Variants in CDK12 observed in about 807,000 individuals in gnomAD.
CDK12 encodes the protein cyclin dependent kinase 12.
A neutral mutation model predicts 133.8 loss-of-function variants in CDK12; 17 were observed. That is an observed-to-expected ratio of 0.13 (90% CI 0.09 to 0.19). CDK12 has a LOEUF of 0.19. Ranked by LOEUF, CDK12 falls within the 10% of genes least tolerant of loss-of-function variation. The probability of loss-of-function intolerance (pLI) is 1.00; values close to 1 mark genes in which losing one functional copy is unlikely to be tolerated. For synonymous variants in CDK12, 694 were observed against 683.6 expected, an observed-to-expected ratio of 1.02 and a Z score of -0.24; for missense variants, 1,508 against 1,818.7, an observed-to-expected ratio of 0.83 and a Z score of 3.11.
chr17:39,506,962 TCTC>T (rs1200130857), intron 6 of CDK12, among the ~76,000 whole-genome samples: 1 of 152,040 alleles, frequency 6.6e-6, no homozygotes, highest in Non-Finnish European at 1.5e-5. Flanking sequence ...AGTGGCACAA[TCTC>T]AGCTCACTGC....
intron 3 of CDK12, among the ~76,000 whole-genome samples, chr17:39,559,468 A>G (rs935545561): frequency 3.3e-5 from 5 of 152,148 alleles, no homozygotes; most frequent in Non-Finnish European, 5.9e-5. Context: ...TTGCCCTTTT[A>G]TATTCACACC....
At position 39,494,153 on chromosome 17, in the gene CDK12, A is replaced by G. The variant is rs556370804; in HGVS notation, c.2249-371A>G. Reference sequence around the variant, plus strand: ...GCTCACTGCAACCTCTGCTCACCGCAACCTCTGCCTCCCGGGTTCAAGCAA... The same window carrying G: ...GCTCACTGCAACCTCTGCTCACCGCGACCTCTGCCTCCCGGGTTCAAGCAA... On this transcript the variant is annotated intron_variant, in intron 4 of 13. Transcript: ENST00000447079. 2.6e-5 allele frequency among the ~76,000 whole-genome samples: 4 copies of G among 152,214 alleles called. No homozygotes were observed. The East Asian group carries it at 7.8e-4, about 30-fold the overall frequency.
chr17:39,462,702 A>G lies in CDK12; in HGVS notation c.631A>G (p.Lys211Glu), dbSNP rs754733609. Residue 211 changes from lysine (K) to glutamate (E), a missense_variant, in exon 1 of 14, where the codon AAA becomes GAA. Around this residue, in one of 9 missense-constraint regions of CDK12, gnomAD observed 460 missense variants for 490.8 expected, o/e 0.94. Coordinates refer to ENST00000447079, the MANE Select transcript of CDK12 (RefSeq NM_016507.4). ...HRKRETPKSYKTVDSPKRRSR... is the reference protein window; with the variant it reads ...HRKRETPKSYETVDSPKRRSR... ...AAAAAGGGAAACACCCAAAAGTTAC[A>G]AAACAGTGGACAGCCCAAAACGGAG... The G allele has an allele frequency of 2.5e-6, 4 of 1,614,236 alleles. No homozygotes were observed. The highest frequency in any genetic ancestry group is 2.5e-6 in the Non-Finnish European group (3 of 1,180,036).
At chr17:39,496,965 C>G (rs1375891493) in intron 5 of CDK12, among the ~76,000 whole-genome samples, 4 of 133,630 alleles carry the variant, frequency 3.0e-5, no homozygotes, top group Admixed American at 8.4e-5. Context: ...GAGTCTCACT[C>G]TGTCGCCCAG....
intron 3 of CDK12, among the ~76,000 whole-genome samples, chr17:39,562,042 C>T (rs989371891): frequency 2.0e-5 from 3 of 152,142 alleles, no homozygotes; most frequent in Admixed American, 1.3e-4. Flanking sequence ...TGGGTTCAAG[C>T]GATTCTCCTG....
intron 6 of CDK12, among the ~76,000 whole-genome samples, chr17:39,506,403 C>T (rs914890144): frequency 2.6e-5 from 4 of 151,614 alleles, no homozygotes; most frequent in African/African-American, 7.3e-5. Context: ...TTAGTAGAGA[C>T]GGGGTTTCAC....
In CDK12 at chr17:39,530,866, T is replaced by C; in HGVS notation, c.4023T>C (p.Thr1341=). The stretch of plus-strand genomic sequence containing the variant: ...GTCCAAACAGGACTTATGGAAACAC[T>C]GATGGGCCTGAAACAGGGTTCAGTG... ...RPRPNRTYGN[T]DGPETGFSAI... The change falls in exon 14 of 14, where the codon ACT becomes ACC. Residue 1341 remains threonine (T), a synonymous_variant. Coordinates refer to ENST00000447079, the MANE Select transcript of CDK12 (RefSeq NM_016507.4). 1 of 1,614,158 alleles carries C rather than the reference T, an allele frequency of 6.2e-7. No individual in the cohort carries two copies. Among genetic ancestry groups the C allele is most frequent in the Non-Finnish European group, 8.5e-7 (1 of 1,180,032 alleles).
rs369334824 is a variant in CDK12, at chr17:39,551,554, T to C, written n.356+412T>C. ...TATAATAAGCCACTGGAGAAACTTA[T>C]GCCAACAAATGTGTTAAGGAGTAGT... is the stretch of plus-strand genomic sequence containing the variant. On this transcript the variant is annotated intron_variant and non_coding_transcript_variant, in intron 2 of 3. Transcript: ENST00000558240. Among the ~76,000 whole-genome samples, 14 of 152,312 alleles carry C rather than the reference T, an allele frequency of 9.2e-5. No homozygotes were observed. In the East Asian group the frequency reaches 1.2e-3, roughly 13 times the overall value.
rs1598203025 is a variant in CDK12 at position 39,533,916 on chromosome 17, T to G, written c.*2600T>G. The G allele has an allele frequency of 4.3e-6, 1 of 232,030 alleles. No homozygotes were observed. Among genetic ancestry groups the G allele is most frequent in the Non-Finnish European group, 8.5e-6 (1 of 117,306 alleles). The allele number at this position is 232,030 out of a possible 1,614,324, so 14.4% of individuals were successfully genotyped here. On this transcript the variant is annotated 3_prime_UTR_variant, in exon 14 of 14. Coordinates refer to ENST00000447079, the MANE Select transcript of CDK12 (RefSeq NM_016507.4). ...AGTAAAGGTTTGGCAGAATTTCACC[T>G]TGACTATTTGAAAATTACAGACCCA...
chr17:39,511,214 CAAAAAA>C (rs59984042), intron 7 of CDK12, among the ~76,000 whole-genome samples: 1 of 74,854 alleles, frequency 1.3e-5, no homozygotes, highest in African/African-American at 5.2e-5. Flanking sequence ...GACACCGTCT[CAAAAAA>C]AAAAAAAAAA....
chr17:39,490,655 G>C lies in CDK12; in HGVS notation c.2030G>C (p.Gly677Ala), dbSNP rs2051517418. The C allele has an allele frequency of 6.2e-7, 1 of 1,613,026 alleles. No homozygotes were observed. Among genetic ancestry groups the C allele is most frequent in the Non-Finnish European group, 8.5e-7 (1 of 1,179,134 alleles). Residue 677 changes from glycine (G) to alanine (A), a missense_variant, in exon 3 of 14, where the codon GGT becomes GCT. Physicochemically the swap from Gly to Ala is moderately conservative, Grantham distance 60 (BLOSUM62 0). Around this residue, in one of 9 missense-constraint regions of CDK12, gnomAD observed 347 missense variants for 330.8 expected, o/e 1.05. Transcript: ENST00000447079. ...TDLPLPPELP[G>A]GDLSPPDSPE... ...CTTCCTCTCCCTCCAGAGCTCCCTG[G>C]TGGAGATCTGTCTCCCCCAGACTCT...
At chr17:39,467,674 GT>G (rs1223951933) in intron 1 of CDK12, among the ~76,000 whole-genome samples, 2 of 152,118 alleles carry the variant, frequency 1.3e-5, no homozygotes, top group African/African-American at 4.8e-5. Flanking sequence ...TGGCATTAGT[GT>G]TTTGGGTTTT....
At chr17:39,472,977 G>C (rs1354098815) in intron 2 of CDK12, among the ~76,000 whole-genome samples, 2 of 152,030 alleles carry the variant, frequency 1.3e-5, no homozygotes, top group Non-Finnish European at 1.5e-5. Flanking sequence ...TTGGGAGGCT[G>C]AGGCAGGAGA....
intron 2 of CDK12, among the ~76,000 whole-genome samples, chr17:39,472,844 G>A (rs1179359403): frequency 2.0e-5 from 3 of 152,156 alleles, no homozygotes; most frequent in Non-Finnish European, 2.9e-5. Context: ...GGGAGGCCAA[G>A]GCGGGCGGAT....
intron 5 of CDK12, among the ~76,000 whole-genome samples, chr17:39,495,411 T>A (rs2052015726): frequency 6.7e-6 from 1 of 149,526 alleles, no homozygotes; most frequent in Non-Finnish European, 1.5e-5. Flanking sequence ...TTTTTTTTTT[T>A]TTTTTATAAA....
chr17:39,462,319 T>C lies in CDK12; in HGVS notation c.248T>C (p.Phe83Ser), dbSNP rs1226403848. 3.7e-6 allele frequency: 6 copies of C among 1,614,160 alleles called. No homozygotes were observed. Among genetic ancestry groups the C allele is most frequent in the South Asian group, 1.1e-5 (1 of 91,090 alleles). The change falls in exon 1 of 14, where the codon TTC becomes TCC. Residue 83 changes from phenylalanine (F) to serine (S), a missense_variant. Transcript: ENST00000447079. Reference protein sequence around the residue: ...YDDISSDSDTFSDDMAFKLDR... With the variant: ...YDDISSDSDTSSDDMAFKLDR... ...GATATCAGCTCTGATTCCGACACCTTCTCCGATGACATGGCCTTCAAACTA... is the reference window on the plus strand; with the variant it reads ...GATATCAGCTCTGATTCCGACACCTCCTCCGATGACATGGCCTTCAAACTA...
intron 9 of CDK12, among the ~76,000 whole-genome samples, chr17:39,516,737 A>G (rs980798847): frequency 2.1e-5 from 3 of 140,756 alleles, no homozygotes; most frequent in Non-Finnish European, 3.0e-5. Flanking sequence ...ATCTTGGCTC[A>G]CTGCAAGCTC....
intron 7 of CDK12, 151 bp from the exon 8 acceptor site, chr17:39,511,378 A>T: frequency 1.8e-6 from 1 of 558,368 alleles, no homozygotes; most frequent in Admixed American, 2.9e-5. Context: ...CCTACTTCTG[A>T]ACAGTTTGCT....
At chr17:39,559,857 T>TAAAAAAAAAAAAAAAAAAAAGA (rs56017248) in intron 3 of CDK12, among the ~76,000 whole-genome samples, 1 of 133,962 alleles carries the variant, frequency 7.5e-6, no homozygotes, top group Non-Finnish European at 1.6e-5. Flanking sequence ...GAAAAAATGT[T>TAAAAAAAAAAAAAAAAAAAAGA]AAAAAAAAAA....
Sources: gnomAD v4.1 joint callset for allele counts (sites outside exome capture counted in the v4.1 genomes callset) on GRCh38, gnomAD v4.1.1 for gene constraint, gnomAD v4.1.1 regional missense constraint, MANE v1.5 for transcripts, NCBI Gene and HGNC (gene_info 2026-07-23, HGNC 2026-07-21) for gene names.